Variants in KAZN observed in about 807,000 individuals in gnomAD.
KAZN encodes the protein kazrin.
A neutral mutation model predicts 87.4 loss-of-function variants in KAZN; 40 were observed. The ratio of observed to expected loss-of-function variants is 0.46; its 90% CI spans 0.36 to 0.60. KAZN has a LOEUF of 0.60. Among genes scored for constraint, KAZN ranks in the 20% least tolerant of loss-of-function variants. KAZN has a pLI of 0.00. For synonymous variants in KAZN, 466 were observed against 458.3 expected, an observed-to-expected ratio of 1.02 and a Z score of -0.22; for missense variants, 898 against 1,073.9, an observed-to-expected ratio of 0.84 and a Z score of 2.29.
chr1:14,126,399 C>T (rs12066020), intron 1 of KAZN, among the ~76,000 whole-genome samples: 86,706 of 145,624 alleles, frequency 0.6, 26,161 homozygotes, highest in East Asian at 0.78. Context: ...CATTTTAAGA[C>T]GAAGAAACGG....
Position 14,695,510 on chromosome 1 carries a change from C to CTTTTTTTTTTTTTTTTTT in KAZN, c.226+96302_226+96303insTTTTTTTTTTTTTTTTTT, listed in dbSNP as rs112667110. The stretch of plus-strand genomic sequence containing the variant: ...CCTCTTTCCCCAGACTACATTCCAT[C>CTTTTTTTTTTTTTTTTTT]TTTTTTTTTTTTTTTGATGGAGTCT... On this transcript the variant is annotated intron_variant, in intron 1 of 14. Coordinates refer to ENST00000376030, the MANE Select transcript of KAZN (RefSeq NM_201628.3). 9.2e-4 allele frequency among the ~76,000 whole-genome samples: 78 copies of CTTTTTTTTTTTTTTTTTT among 85,046 alleles called. 10 individuals carry two copies. The highest frequency in any genetic ancestry group is 8.7e-3 in the South Asian group (18 of 2,078). The allele number at this position is 85,046 out of a possible 152,430, so 55.8% of individuals were successfully genotyped here. A position where few individuals can be genotyped will look rare whatever the true frequency, so the allele number is the denominator to read the frequency against.
chr1:14,280,564 A>G (rs1372054082), intron 2 of KAZN, among the ~76,000 whole-genome samples: 2 of 151,954 alleles, frequency 1.3e-5, no homozygotes, highest in South Asian at 4.1e-4. Context: ...CCAGGCAACC[A>G]CCAGAAGCAA....
chr1:14,874,782 C>T (rs1199645513), intron 1 of KAZN, among the ~76,000 whole-genome samples: 1 of 152,080 alleles, frequency 6.6e-6, no homozygotes, highest in Non-Finnish European at 1.5e-5. Context: ...CTGGATTACC[C>T]ATAATGCTCT....
chr1:14,907,424 G>A (rs1227591389), intron 1 of KAZN, among the ~76,000 whole-genome samples: 1 of 149,486 alleles, frequency 6.7e-6, no homozygotes, highest in Non-Finnish European at 1.5e-5. Context: ...AAAACAAAAA[G>A]TGCAGAATCT....
At chr1:13,944,290 C>T (rs146101299) in intron 1 of KAZN, among the ~76,000 whole-genome samples, 114 of 152,248 alleles carry the variant, frequency 7.5e-4, no homozygotes, top group African/African-American at 2.4e-3. Flanking sequence ...CCACACACTG[C>T]GATTCCATTT....
chr1:15,040,690 C>T (rs891442087), intron 3 of KAZN, among the ~76,000 whole-genome samples: 3 of 151,798 alleles, frequency 2.0e-5, no homozygotes, highest in East Asian at 1.9e-4. Context: ...TGCTTGGACC[C>T]GGGATGCAGA....
At chr1:14,621,336 C>T (rs1484949879) in intron 1 of KAZN, among the ~76,000 whole-genome samples, 3 of 152,200 alleles carry the variant, frequency 2.0e-5, no homozygotes, top group African/African-American at 7.2e-5. Flanking sequence ...AGGTCTCTGT[C>T]ACTTCTGAAT....
chr1:14,347,620 C>T (rs867993855), intron 2 of KAZN, among the ~76,000 whole-genome samples: 20 of 152,202 alleles, frequency 1.3e-4, no homozygotes, highest in Middle Eastern at 6.8e-3. Context: ...CTGCAGTTGT[C>T]AAAAGAGTGT....
At chr1:14,969,188 C>T (rs10927603) in intron 2 of KAZN, among the ~76,000 whole-genome samples, 54,037 of 152,072 alleles carry the variant, frequency 0.36, 10,613 homozygotes, top group African/African-American at 0.53. Context: ...TGTGCTGGGG[C>T]GGCCATGCCC....
At chr1:14,550,553 G>T (rs1220067431) in intron 2 of KAZN, among the ~76,000 whole-genome samples, 1 of 152,002 alleles carries the variant, frequency 6.6e-6, no homozygotes, top group Non-Finnish European at 1.5e-5. Context: ...TCTTCCCAGG[G>T]TGCCAGAGCC....
chr1:14,368,924 T>C (rs185295054), intron 2 of KAZN, among the ~76,000 whole-genome samples: 2 of 152,308 alleles, frequency 1.3e-5, no homozygotes, highest in East Asian at 3.9e-4. Flanking sequence ...AGTATATTAA[T>C]AGTACCTGTG....
In KAZN at chr1:14,773,635, CCTT is replaced by C. The variant is rs1455989029; in HGVS notation, c.226+174417_226+174419del. The stretch of plus-strand genomic sequence containing the variant: ...GGTCAGGCACCCGCCACCCGGTTCT[CCTT>C]CTTCCTCTTCTAAAACACTGCAACC... On this transcript the variant is annotated intron_variant, in intron 1 of 14. Transcript: ENST00000376030. The surrounding 1 kb of genome is among the most constrained non-coding windows in gnomAD (Gnocchi z 5.9). Among the ~76,000 whole-genome samples, 3 of 152,156 alleles carry C rather than the reference CCTT, an allele frequency of 2.0e-5. No homozygotes were observed. Among genetic ancestry groups the C allele is most frequent in the Admixed American group, 2.0e-4 (3 of 15,286 alleles).
chr1:14,472,068 G>A (rs1668485199), intron 2 of KAZN, among the ~76,000 whole-genome samples: 1 of 152,086 alleles, frequency 6.6e-6, no homozygotes, highest in Admixed American at 6.6e-5. Flanking sequence ...TTCAATAGAT[G>A]GCACTTTCTT....
At chr1:14,373,198 AATATATATATATAT>A (rs58491688) in intron 2 of KAZN, among the ~76,000 whole-genome samples, 119,931 of 149,232 alleles carry the variant, frequency 0.8, 48,752 homozygotes, top group Non-Finnish European at 0.87. Context: ...TGAAAAACTG[AATATATATATATAT>A]ATATATATAT....
At chr1:14,266,642 G>A (rs1651495080) in intron 2 of KAZN, among the ~76,000 whole-genome samples, 1 of 152,190 alleles carries the variant, frequency 6.6e-6, no homozygotes, top group Non-Finnish European at 1.5e-5. Flanking sequence ...GGTAGTCACA[G>A]CCAACTCAGC....
In KAZN at chr1:14,856,930, T is replaced by C. The variant is rs1396354598; in HGVS notation, c.227-103754T>C. ...GGAAGCTAAAAGATGCTTTGGAAAC[T>C]ATCTTCATCCACACATAGGGGTTTC... On this transcript the variant is annotated intron_variant, in intron 1 of 14. Transcript: ENST00000376030. The surrounding 1 kb of genome is among the most constrained non-coding windows in gnomAD (Gnocchi z 5.2). Among the ~76,000 whole-genome samples, 1 of 152,180 alleles carries C rather than the reference T, an allele frequency of 6.6e-6. No homozygotes were observed. The highest frequency in any genetic ancestry group is 1.9e-4 in the East Asian group (1 of 5,182).
intron 2 of KAZN, among the ~76,000 whole-genome samples, chr1:14,258,124 CAATG>C (rs1255759175): frequency 6.6e-6 from 1 of 151,218 alleles, no homozygotes; most frequent in Non-Finnish European, 1.5e-5. Flanking sequence ...CGGTAGATCA[CAATG>C]AACCCTCCAC....
chr1:14,302,839 G>A (rs1213004438), intron 2 of KAZN, among the ~76,000 whole-genome samples: 1 of 152,148 alleles, frequency 6.6e-6, no homozygotes, highest in Non-Finnish European at 1.5e-5. Context: ...CTCTCCCCTT[G>A]CCTTGTTTTG....
At chr1:14,356,717 T>C (rs867921422) in intron 2 of KAZN, among the ~76,000 whole-genome samples, 2 of 152,212 alleles carry the variant, frequency 1.3e-5, no homozygotes, top group Admixed American at 1.3e-4. Context: ...GTCAGGTTTG[T>C]CAAAGATCAG....
Sources: allele counts gnomAD v4.1 joint callset (sites outside exome capture counted in the v4.1 genomes callset), GRCh38; gene constraint gnomAD v4.1.1; non-coding constraint Gnocchi (gnomAD v3.1); transcripts MANE v1.5; gene names NCBI Gene and HGNC (gene_info 2026-07-23, HGNC 2026-07-21).